The following PTPRZ1 variants were observed in gnomAD, a reference collection of about 807,000 sequenced individuals.
The protein encoded by PTPRZ1 is protein tyrosine phosphatase receptor type Z1, also known as receptor-type tyrosine-protein phosphatase zeta.
A neutral mutation model predicts 214.1 loss-of-function variants in PTPRZ1; 82 were observed. The observed-to-expected ratio is 0.38, with a 90% CI of 0.32 to 0.46. PTPRZ1 has a LOEUF of 0.46. Among genes scored for constraint, PTPRZ1 ranks in the 20% least tolerant of loss-of-function variants. PTPRZ1 has a pLI of 1.00. For synonymous variants in PTPRZ1, 945 were observed against 987.9 expected (o/e 0.96, Z 0.81); for missense variants, 2,603 against 2,748.7 (o/e 0.95, Z 1.19).
At chr7:122,025,542 A>T (rs2116704733) in intron 13 of PTPRZ1, among the ~76,000 whole-genome samples, 1 of 151,758 alleles carries the variant, frequency 6.6e-6, no homozygotes, top group East Asian at 1.9e-4. Flanking sequence ...TGTTGGTCAG[A>T]CTGGTCTTGA....
intron 1 of PTPRZ1, among the ~76,000 whole-genome samples, chr7:121,905,294 C>T (rs539400579): frequency 6.6e-6 from 1 of 152,192 alleles, no homozygotes; most frequent in African/African-American, 2.4e-5. Context: ...ACTAAAAGAA[C>T]AGATCCTACT....
chr7:121,970,079 G>A (rs1017051843), intron 3 of PTPRZ1, among the ~76,000 whole-genome samples: 4 of 151,294 alleles, frequency 2.6e-5, no homozygotes, highest in African/African-American at 4.9e-5. Context: ...GCGATAGTTT[G>A]CTGAGAATGA....
intron 1 of PTPRZ1, among the ~76,000 whole-genome samples, chr7:121,895,113 G>A (rs987558045): frequency 6.6e-6 from 1 of 152,166 alleles, no homozygotes; most frequent in African/African-American, 2.4e-5. Context: ...ATATCCAAAT[G>A]CTTTAAAAGG....
Position 122,059,962 on chromosome 7 carries a change from T to A in PTPRZ1, c.6807+74T>A, listed in dbSNP as rs888938214. On this transcript the variant is annotated intron_variant, in intron 29 of 29. Coordinates refer to ENST00000393386, the MANE Select transcript of PTPRZ1 (RefSeq NM_002851.3). ...AACTTCCTAGAGGCTGCTGAAATCTTATGTATCAAGAAAGATCTTATTAAC... is the reference window on the plus strand; with the variant it reads ...AACTTCCTAGAGGCTGCTGAAATCTAATGTATCAAGAAAGATCTTATTAAC... 4.9e-6 allele frequency: 7 copies of A among 1,429,040 alleles called. No homozygotes were observed. The Admixed American group carries it at 1.1e-4, about 23-fold the overall frequency. 88.5% of individuals were successfully genotyped at this position (1,429,040 alleles called of 1,614,324 possible). A position where few individuals can be genotyped will look rare whatever the true frequency, so the allele number is the denominator to read the frequency against.
At chr7:121,960,962 A>C (rs1424218294) in intron 2 of PTPRZ1, among the ~76,000 whole-genome samples, 1 of 151,648 alleles carries the variant, frequency 6.6e-6, no homozygotes, top group Non-Finnish European at 1.5e-5. Flanking sequence ...TTTGTCGTTC[A>C]GCAAACGTTG....
At chr7:122,042,456 T>G (rs1480655184) in intron 21 of PTPRZ1, 152 bp from the exon 22 acceptor site, 2 of 667,616 alleles carry the variant, frequency 3.0e-6, no homozygotes, top group South Asian at 3.3e-5. Flanking sequence ...ATTACTAAAC[T>G]GTTTACAATA....
chr7:121,941,277 A>T (rs1371845256), intron 2 of PTPRZ1, among the ~76,000 whole-genome samples: 2 of 152,200 alleles, frequency 1.3e-5, no homozygotes, highest in Non-Finnish European at 2.9e-5. Flanking sequence ...GGAAACTTGG[A>T]CCTGGGTTTT....
intron 3 of PTPRZ1, among the ~76,000 whole-genome samples, chr7:121,969,874 C>G (rs1157173936): frequency 6.6e-6 from 1 of 151,362 alleles, no homozygotes; most frequent in Non-Finnish European, 1.5e-5. Context: ...CATATGTATA[C>G]ATGTGCCATG....
chr7:121,888,483 T>C (rs1046039541), intron 1 of PTPRZ1, among the ~76,000 whole-genome samples: 1 of 152,122 alleles, frequency 6.6e-6, no homozygotes, highest in African/African-American at 2.4e-5. Flanking sequence ...CACAAACTTC[T>C]GTAACTGCCC....
At chr7:121,974,595 C>T (rs1797372000) in intron 4 of PTPRZ1, among the ~76,000 whole-genome samples, 1 of 152,150 alleles carries the variant, frequency 6.6e-6, no homozygotes, top group African/African-American at 2.4e-5. Context: ...TCAAGCAATT[C>T]TCCTGCCTCA....
chr7:121,916,961 A>G (rs1323036761), intron 1 of PTPRZ1, among the ~76,000 whole-genome samples: 1 of 152,222 alleles, frequency 6.6e-6, no homozygotes, highest in Non-Finnish European at 1.5e-5. Flanking sequence ...GTGAGATGTT[A>G]GGCAAAGAGT....
At chr7:122,023,499 A>ATATATATATAATTTTATATAT (rs1160813749) in intron 13 of PTPRZ1, among the ~76,000 whole-genome samples, 1 of 131,812 alleles carries the variant, frequency 7.6e-6, no homozygotes, top group African/African-American at 3.0e-5. Flanking sequence ...ATATAATTAT[A>ATATATATATAATTTTATATAT]TATATGTATA....
intron 1 of PTPRZ1, among the ~76,000 whole-genome samples, chr7:121,906,418 T>C (rs950810587): frequency 6.6e-6 from 1 of 152,186 alleles, no homozygotes; most frequent in African/African-American, 2.4e-5. Context: ...TTCTTACTAA[T>C]GTACTAAAGG....
Position 121,984,131 on chromosome 7 carries a change from T to C in PTPRZ1, c.928+14T>C. On this transcript the variant is annotated intron_variant, in intron 8 of 29. Transcript: ENST00000393386. ...TTCATGAAGCAGGTATGTATTTAAATATAATCTTCTACAACTCTCATAGAT... is the reference window on the plus strand; with the variant it reads ...TTCATGAAGCAGGTATGTATTTAAACATAATCTTCTACAACTCTCATAGAT... The C allele has an allele frequency of 6.2e-7, 1 of 1,604,376 alleles. No homozygotes were observed. Among genetic ancestry groups the C allele is most frequent in the Non-Finnish European group, 8.5e-7 (1 of 1,174,100 alleles).
chr7:121,896,914 T>A (rs1288776807), intron 1 of PTPRZ1, among the ~76,000 whole-genome samples: 1 of 152,190 alleles, frequency 6.6e-6, no homozygotes, highest in Non-Finnish European at 1.5e-5. Context: ...GTGAGATATT[T>A]TTCATTGCTC....
rs780707451 is a variant in PTPRZ1 at position 121,997,948 on chromosome 7, T to A, written c.1182T>A (p.Asn394Lys). The stretch of plus-strand genomic sequence containing the variant: ...TTCAGATAGTAGCCATATGCACTAA[T>A]GGCTTATATGGAAAATACAGCGACC... The part of the protein sequence containing the change: ...YVLQIVAICT[N>K]GLYGKYSDQL... The change falls in exon 10 of 30, where the codon AAT (asparagine) becomes AAA (lysine). Residue 394 changes from asparagine (N) to lysine (K), a missense_variant. Physicochemically the swap from Asn to Lys is moderately conservative, Grantham distance 94. Coordinates refer to ENST00000393386, the MANE Select transcript of PTPRZ1 (RefSeq NM_002851.3). 1 of 1,613,110 alleles carries A rather than the reference T, an allele frequency of 6.2e-7. No individual in the cohort carries two copies. Among genetic ancestry groups the A allele is most frequent in the African/African-American group, 1.3e-5 (1 of 74,896 alleles).
intron 2 of PTPRZ1, among the ~76,000 whole-genome samples, chr7:121,965,131 T>A (rs534375514): frequency 1.3e-5 from 2 of 152,284 alleles, no homozygotes; most frequent in East Asian, 1.9e-4. Flanking sequence ...TACTACAAAT[T>A]TACCACCTTA....
At chr7:121,983,912 G>A (rs1029011168) in intron 7 of PTPRZ1, 55 bp from the exon 8 acceptor site, 9 of 1,594,166 alleles carry the variant, frequency 5.6e-6, no homozygotes, top group Non-Finnish European at 6.9e-6. Flanking sequence ...CCATTTTAAA[G>A]CATTTACCAA....
chr7:121,922,697 A>G (rs1255210907), intron 1 of PTPRZ1, among the ~76,000 whole-genome samples: 1 of 152,186 alleles, frequency 6.6e-6, no homozygotes, highest in Non-Finnish European at 1.5e-5. Flanking sequence ...ACCGTTGTTT[A>G]TCAATGCCAC....
Sources: gnomAD v4.1 joint callset for allele counts (sites outside exome capture counted in the v4.1 genomes callset) on GRCh38, gnomAD v4.1.1 for gene constraint, MANE v1.5 for transcripts, NCBI Gene and HGNC (gene_info 2026-07-23, HGNC 2026-07-21) for gene names.